SNX6: variants seen among roughly 807,000 people sequenced by gnomAD.
SNX6 encodes sorting nexin 6.
SNX6 carries 34 observed loss-of-function variants against 63.0 expected under a neutral mutation model. That is an observed-to-expected ratio of 0.54 (90% CI 0.41 to 0.72). SNX6 has a LOEUF of 0.72. Among genes scored for constraint, SNX6 ranks in the 30% least tolerant of loss-of-function variants. SNX6 has a pLI of 0.00. For synonymous variants in SNX6, 170 were observed against 164.2 expected (o/e 1.04, Z -0.27); for missense variants, 398 against 471.4 (o/e 0.84, Z 1.44).
intron 3 of SNX6, 28 bp downstream of exon 3, chr14:34,609,610 A>G: frequency 2.0e-6 from 3 of 1,468,558 alleles, no homozygotes; most frequent in East Asian, 2.3e-5. Flanking sequence ...AATGGCTAAA[A>G]TAATAGAAAG....
At chr14:34,606,309 C>A (rs1025753149) in intron 4 of SNX6, among the ~76,000 whole-genome samples, 1 of 150,004 alleles carries the variant, frequency 6.7e-6, no homozygotes, top group Non-Finnish European at 1.5e-5. Flanking sequence ...TTGGTAGAGA[C>A]GGGGTTTCGC....
chr14:34,608,057 A>C lies in SNX6; in HGVS notation c.243T>G (p.Val81=), dbSNP rs1306271003. The C allele has an allele frequency of 6.2e-7, 1 of 1,604,188 alleles. No individual in the cohort carries two copies. Among genetic ancestry groups the C allele is most frequent in the Non-Finnish European group, 8.5e-7 (1 of 1,173,376 alleles). ...EEFIWLHDSF[V]ENEDYAGYII... Reference sequence around the variant, plus strand: ...TATAACCTGCATAGTCTTCATTTTCAACAAAGGAATCATGAAGCCAGATAA... The same window carrying C: ...TATAACCTGCATAGTCTTCATTTTCCACAAAGGAATCATGAAGCCAGATAA... The change falls in exon 4 of 14, where the codon GTT becomes GTG. Residue 81 remains valine (V), a synonymous_variant. Coordinates refer to ENST00000362031, the MANE Select transcript of SNX6 (RefSeq NM_152233.4).
chr14:34,563,191 A>T lies in SNX6; in HGVS notation c.1168-16T>A. On this transcript the variant is annotated splice_polypyrimidine_tract_variant and intron_variant, in intron 13 of 13. Coordinates refer to ENST00000362031, the MANE Select transcript of SNX6 (RefSeq NM_152233.4). ...GTAGATTACCCTAAAAAAGGAAGAA[A>T]AAATAAATTACAAATTTTATTTCAA... The T allele has an allele frequency of 6.2e-7, 1 of 1,608,972 alleles. No homozygotes were observed.
intron 7 of SNX6, 146 bp downstream of exon 7, chr14:34,597,404 T>C: frequency 1.7e-6 from 1 of 592,446 alleles, no homozygotes; most frequent in South Asian, 2.2e-5. Context: ...GGAATCTAGG[T>C]CAGGAGGATT....
chr14:34,580,156 G>A (rs530177039), intron 10 of SNX6, among the ~76,000 whole-genome samples: 27 of 152,234 alleles, frequency 1.8e-4, no homozygotes, highest in Non-Finnish European at 3.1e-4. Context: ...TCCAGCCTCC[G>A]GCCTGGGTGA....
intron 2 of SNX6, among the ~76,000 whole-genome samples, chr14:34,619,786 C>T (rs1470970795): frequency 2.6e-5 from 4 of 152,098 alleles, no homozygotes; most frequent in Non-Finnish European, 4.4e-5. Flanking sequence ...AATGCCATTC[C>T]AATACCTTTC....
intron 11 of SNX6, among the ~76,000 whole-genome samples, chr14:34,570,775 G>A (rs1263174414): frequency 2.8e-5 from 4 of 145,026 alleles, no homozygotes; most frequent in South Asian, 2.2e-4. Flanking sequence ...CCAGGCTGGA[G>A]TGCAGTGGTG....
intron 10 of SNX6, among the ~76,000 whole-genome samples, chr14:34,578,228 CA>C (rs1418574215): frequency 6.6e-6 from 1 of 151,822 alleles, no homozygotes; most frequent in Non-Finnish European, 1.5e-5. Context: ...AACAAAAATA[CA>C]AAAGGGAAAA....
chr14:34,622,086 G>C (rs1450370774), intron 2 of SNX6, among the ~76,000 whole-genome samples: 1 of 148,774 alleles, frequency 6.7e-6, no homozygotes. Context: ...AGTTTCCCTA[G>C]TAGCTGGGAT....
chr14:34,599,248 T>C (rs1318598604), intron 6 of SNX6, among the ~76,000 whole-genome samples: 2 of 152,214 alleles, frequency 1.3e-5, no homozygotes, highest in Non-Finnish European at 2.9e-5. Context: ...CCCACATCAT[T>C]TCCTTACACA....
intron 13 of SNX6, among the ~76,000 whole-genome samples, chr14:34,564,038 T>A (rs1158307051): frequency 6.6e-6 from 1 of 151,048 alleles, no homozygotes; most frequent in African/African-American, 2.4e-5. Flanking sequence ...TGCGCTGGCC[T>A]TTGTTTTGAG....
At chr14:34,566,819 C>A (rs1881202344) in intron 13 of SNX6, among the ~76,000 whole-genome samples, 1 of 152,112 alleles carries the variant, frequency 6.6e-6, no homozygotes. Flanking sequence ...CCTGTAATCC[C>A]AGCTACTCGG....
intron 2 of SNX6, among the ~76,000 whole-genome samples, chr14:34,619,504 T>C (rs1381789353): frequency 6.6e-6 from 1 of 151,964 alleles, no homozygotes; most frequent in Non-Finnish European, 1.5e-5. Context: ...TACAGTAATA[T>C]GCGGCTATTT....
intron 11 of SNX6, among the ~76,000 whole-genome samples, chr14:34,574,314 T>TC (rs1881589541): frequency 7.1e-6 from 1 of 140,346 alleles, no homozygotes; most frequent in Non-Finnish European, 1.5e-5. Flanking sequence ...CCAGCTTGGG[T>TC]AACAGAGCTA....
intron 3 of SNX6, among the ~76,000 whole-genome samples, chr14:34,608,625 TAC>T (rs1883109261): frequency 6.6e-6 from 1 of 152,218 alleles, no homozygotes; most frequent in African/African-American, 2.4e-5. Flanking sequence ...ATTGTACTGC[TAC>T]AGTTACTTAA....
intron 6 of SNX6, among the ~76,000 whole-genome samples, chr14:34,600,647 GAATT>G (rs1882774451): frequency 6.6e-6 from 1 of 152,082 alleles, no homozygotes; most frequent in African/African-American, 2.4e-5. Context: ...CAAAAATTAT[GAATT>G]AATCTTGTCA....
intron 13 of SNX6, among the ~76,000 whole-genome samples, chr14:34,565,479 C>T (rs1323874129): frequency 1.3e-5 from 2 of 152,094 alleles, no homozygotes; most frequent in African/African-American, 4.8e-5. Context: ...AGTTTACCAA[C>T]CCCTGATCTA....
At chr14:34,571,792 T>C (rs1270984601) in intron 11 of SNX6, among the ~76,000 whole-genome samples, 1 of 152,224 alleles carries the variant, frequency 6.6e-6, no homozygotes, top group Non-Finnish European at 1.5e-5. Flanking sequence ...ATTTGCGTTG[T>C]CAATTTTCAG....
chr14:34,591,108 G>A (rs1467561104), intron 8 of SNX6, among the ~76,000 whole-genome samples: 1 of 152,074 alleles, frequency 6.6e-6, no homozygotes, highest in Admixed American at 6.6e-5. Context: ...AGAAAACTTT[G>A]GGGGTGATGT....
Sources: allele counts gnomAD v4.1 joint callset (sites outside exome capture counted in the v4.1 genomes callset), GRCh38; gene constraint gnomAD v4.1.1; transcripts MANE v1.5; gene names NCBI Gene and HGNC (gene_info 2026-07-23, HGNC 2026-07-21).